Variants in TENM3 observed in about 807,000 individuals in gnomAD.
TENM3 encodes teneurin-3.
In TENM3, 63 loss-of-function variants were observed where a neutral mutation model predicts 255.1. The observed-to-expected ratio is 0.25, with a 90% confidence interval of 0.20 to 0.30. The LOEUF (loss-of-function observed/expected upper bound fraction) is 0.30. TENM3 is among the 10% of genes least tolerant of loss of function. TENM3 has a pLI of 1.00. For synonymous variants in TENM3, 1,306 were observed against 1,322.3 expected (o/e 0.99, Z 0.27); for missense variants, 2,929 against 3,461.1 (o/e 0.85, Z 3.86).
At chr4:182,138,119 T>A in the TENM3 span, among the ~76,000 whole-genome samples, 2 of 152,206 alleles carry the variant, frequency 1.3e-5, no homozygotes, top group Non-Finnish European at 2.9e-5. Flanking sequence ...TATCCTTTTC[T>A]TTACCCAGAG....
the TENM3 span, among the ~76,000 whole-genome samples, chr4:182,035,446 A>G: frequency 6.6e-6 from 1 of 152,234 alleles, no homozygotes; most frequent in Non-Finnish European, 1.5e-5. Flanking sequence ...ATTTATCTTC[A>G]GAACATGCAA....
chr4:182,790,098 A>G (rs894458972), intron 25 of TENM3, among the ~76,000 whole-genome samples: 1 of 152,246 alleles, frequency 6.6e-6, no homozygotes, highest in Admixed American at 6.5e-5. Context: ...AAAGGAAAGA[A>G]CAATCTCCAT....
chr4:181,803,953 A>AAAGAAAGAAAGAAAAAGAAAG, the TENM3 span, among the ~76,000 whole-genome samples: 1 of 48,030 alleles, frequency 2.1e-5, no homozygotes, highest in Non-Finnish European at 5.6e-5. Context: ...AAAAAAAAAA[A>AAAGAAAGAAAGAAAAAGAAAG]GAAAGAAAGA....
chr4:182,680,969 T>G (rs1463085668), intron 10 of TENM3, among the ~76,000 whole-genome samples: 1 of 152,204 alleles, frequency 6.6e-6, no homozygotes, highest in Non-Finnish European at 1.5e-5. Context: ...TTTTCTTCAC[T>G]CTGAGAAAGC....
intron 3 of TENM3, among the ~76,000 whole-genome samples, chr4:182,381,459 G>A (rs1438075329): frequency 6.6e-6 from 1 of 152,088 alleles, no homozygotes; most frequent in African/African-American, 2.4e-5. Context: ...AAGAGCAGTA[G>A]ACATTTTCCC....
chr4:181,451,571 A>C, the TENM3 span, among the ~76,000 whole-genome samples: 1 of 152,278 alleles, frequency 6.6e-6, no homozygotes, highest in Non-Finnish European at 1.5e-5. Context: ...AGAAGAAAAG[A>C]GTGAAGGTGT....
intron 22 of TENM3, among the ~76,000 whole-genome samples, chr4:182,762,113 T>C (rs1225107078): frequency 6.6e-6 from 1 of 152,186 alleles, no homozygotes; most frequent in Non-Finnish European, 1.5e-5. Flanking sequence ...CTCAAAAAAT[T>C]GCACAAAAAA....
chr4:182,195,805 C>T (rs1381138893), intron 1 of TENM3, among the ~76,000 whole-genome samples: 1 of 152,096 alleles, frequency 6.6e-6, no homozygotes. Flanking sequence ...TCGTTATAAA[C>T]ATTAACTCAC....
At chr4:182,372,876 G>A (rs557751617) in intron 3 of TENM3, among the ~76,000 whole-genome samples, 1 of 152,174 alleles carries the variant, frequency 6.6e-6, no homozygotes. Flanking sequence ...CTATAGGCAC[G>A]TGCCACCACA....
chr4:182,642,286 A>C (rs1419708326), intron 5 of TENM3, among the ~76,000 whole-genome samples: 2 of 152,216 alleles, frequency 1.3e-5, no homozygotes, highest in East Asian at 3.9e-4. Flanking sequence ...TCTGTTTTAG[A>C]AATTCTAACT....
chr4:181,760,142 C>T, the TENM3 span, among the ~76,000 whole-genome samples: 1 of 152,100 alleles, frequency 6.6e-6, no homozygotes, highest in Admixed American at 6.6e-5. Context: ...ACCATATACT[C>T]TGACCATAAG....
At chr4:181,517,781 T>C in the TENM3 span, among the ~76,000 whole-genome samples, 2 of 152,224 alleles carry the variant, frequency 1.3e-5, no homozygotes, top group Non-Finnish European at 2.9e-5. Flanking sequence ...CAAGTGATAA[T>C]AGAAGAATTC....
At chr4:182,113,608 C>T in the TENM3 span, among the ~76,000 whole-genome samples, 1 of 152,064 alleles carries the variant, frequency 6.6e-6, no homozygotes, top group Non-Finnish European at 1.5e-5. Context: ...AAAATATACG[C>T]CCACCATGCT....
At chr4:182,328,388 G>A (rs1763545928) in intron 2 of TENM3, among the ~76,000 whole-genome samples, 1 of 151,958 alleles carries the variant, frequency 6.6e-6, no homozygotes. Context: ...GCTAATTTTT[G>A]TAATTTTAGT....
chr4:182,652,479 C>T (rs1177250464), intron 5 of TENM3, among the ~76,000 whole-genome samples: 1 of 152,170 alleles, frequency 6.6e-6, no homozygotes, highest in Non-Finnish European at 1.5e-5. Flanking sequence ...AATCTTCTGG[C>T]CTACACCTTC....
At chr4:182,119,519 G>T in the TENM3 span, among the ~76,000 whole-genome samples, 1 of 152,080 alleles carries the variant, frequency 6.6e-6, no homozygotes, top group African/African-American at 2.4e-5. Context: ...AGAGAATTGT[G>T]ATTCTATGTA....
intron 11 of TENM3, among the ~76,000 whole-genome samples, chr4:182,685,234 T>G (rs74781152): frequency 0.017 from 2,542 of 152,188 alleles, 27 homozygotes; most frequent in Middle Eastern, 0.027. Context: ...CCTTCTCTTC[T>G]TCCCTTCCTT....
chr4:182,104,678 A>AT, the TENM3 span, among the ~76,000 whole-genome samples: 1 of 151,306 alleles, frequency 6.6e-6, no homozygotes, highest in African/African-American at 2.4e-5. Context: ...CGCCTAGCTA[A>AT]TTTTTTTGTA....
chr4:181,918,013 G>A, the TENM3 span, among the ~76,000 whole-genome samples: 1 of 151,960 alleles, frequency 6.6e-6, no homozygotes, highest in African/African-American at 2.4e-5. Context: ...TATTTTCTTA[G>A]GCTGAAAATA....
Sources: allele counts gnomAD v4.1 joint callset (sites outside exome capture counted in the v4.1 genomes callset), GRCh38; gene constraint gnomAD v4.1.1; transcripts MANE v1.5; gene names NCBI Gene and HGNC (gene_info 2026-07-23, HGNC 2026-07-21).